HMGCLL1: variants seen among roughly 807,000 people sequenced by gnomAD.
The protein encoded by HMGCLL1 is 3-hydroxy-3-methylglutaryl-CoA lyase like 1.
Under a neutral mutation model 39.1 loss-of-function variants are expected in HMGCLL1, and 36 were observed. The ratio of observed to expected loss-of-function variants is 0.92; its 90% CI spans 0.71 to 1.22. The LOEUF is 1.22. Ranked by LOEUF, HMGCLL1 falls within the 50% of genes most tolerant of loss-of-function variation. The pLI is 0.00. For synonymous variants in HMGCLL1, 149 were observed against 144.0 expected (o/e 1.03, Z -0.25); for missense variants, 451 against 416.5 (o/e 1.08, Z -0.72).
chr6:55,516,523 C>A lies in HMGCLL1; in HGVS notation c.378G>T (p.Gln126His). The A allele has an allele frequency of 1.3e-6, 2 of 1,592,782 alleles. No homozygotes were observed. The highest frequency in any genetic ancestry group is 1.7e-6 in the Non-Finnish European group (2 of 1,165,502). The change falls in exon 4 of 9, where the codon CAG (glutamine) becomes CAT (histidine). Residue 126 changes from glutamine to histidine, a missense_variant. Gln to His is a conservative substitution (Grantham distance 24, BLOSUM62 0). Coordinates refer to ENST00000274901, the MANE Select transcript of HMGCLL1 (RefSeq NM_001042406.2). ...VRYPVLTPNL[Q>H]GFHHAVAAGA... ...GCACACTTACAGCATGGTGAAAACC[C>A]TGAAGATTAGGAGTAAGGACAGGAT...
chr6:55,538,690 T>A (rs1769166894), intron 3 of HMGCLL1, among the ~76,000 whole-genome samples: 2 of 152,082 alleles, frequency 1.3e-5, no homozygotes, highest in South Asian at 4.1e-4. Context: ...ATTGATTTAT[T>A]TTTTTTATTT....
chr6:55,543,298 CAT>C lies in HMGCLL1; in HGVS notation c.109-1160_109-1159del, dbSNP rs1315087473. Among the ~76,000 whole-genome samples, 3 of 7,464 alleles carry C rather than the reference CAT, an allele frequency of 4.0e-4. 1 individual carries two copies. The highest frequency in any genetic ancestry group is 7.4e-4 in the Non-Finnish European group (3 of 4,046). The allele number at this position is 7,464 out of a possible 152,430, so 4.9% of individuals were successfully genotyped here. Reference sequence around the variant, plus strand: ...ATATTATATATAATATATTATATATCATATATGATATATAATATATAATATAT... The same window carrying C: ...ATATTATATATAATATATTATATATCATATGATATATAATATATAATATAT... On this transcript the variant is annotated intron_variant, in intron 1 of 8. Transcript: ENST00000274901.
At chr6:55,652,301 A>C in the HMGCLL1 span, among the ~76,000 whole-genome samples, 1 of 151,926 alleles carries the variant, frequency 6.6e-6, no homozygotes, top group Non-Finnish European at 1.5e-5. Flanking sequence ...GAGGACTTCA[A>C]TGTTGTCATA....
At chr6:55,659,576 C>T in the HMGCLL1 span, among the ~76,000 whole-genome samples, 3 of 151,876 alleles carry the variant, frequency 2.0e-5, no homozygotes, top group African/African-American at 7.2e-5. Flanking sequence ...TTCCAGACTT[C>T]TCATATCTAT....
the HMGCLL1 span, among the ~76,000 whole-genome samples, chr6:55,618,638 T>C: frequency 6.6e-6 from 1 of 152,004 alleles, no homozygotes; most frequent in Non-Finnish European, 1.5e-5. Flanking sequence ...AGACAATATC[T>C]TAAGAGCTTA....
the HMGCLL1 span, among the ~76,000 whole-genome samples, chr6:55,647,421 A>T: frequency 6.6e-6 from 1 of 151,524 alleles, no homozygotes; most frequent in Non-Finnish European, 1.5e-5. Context: ...GTAGGGACTT[A>T]CTCTTACAAT....
At chr6:55,657,551 G>T in the HMGCLL1 span, among the ~76,000 whole-genome samples, 9 of 151,864 alleles carry the variant, frequency 5.9e-5, no homozygotes, top group Non-Finnish European at 2.9e-5. Context: ...CTATGTGTCT[G>T]TTTTTGTACC....
chr6:55,561,449 G>A (rs1035206148), intron 1 of HMGCLL1, among the ~76,000 whole-genome samples: 2 of 152,020 alleles, frequency 1.3e-5, no homozygotes, highest in Non-Finnish European at 2.9e-5. Flanking sequence ...AAACTTTAAT[G>A]TGCATATGAA....
At chr6:55,607,844 G>T in the HMGCLL1 span, among the ~76,000 whole-genome samples, 1 of 152,060 alleles carries the variant, frequency 6.6e-6, no homozygotes, top group East Asian at 1.9e-4. Context: ...TTGAAACCTG[G>T]TTCCACCTGT....
intron 1 of HMGCLL1, among the ~76,000 whole-genome samples, chr6:55,546,655 T>C (rs1448559025): frequency 6.6e-6 from 1 of 152,114 alleles, no homozygotes; most frequent in East Asian, 1.9e-4. Flanking sequence ...TCTTACATAC[T>C]GAATATATGA....
chr6:55,495,454 C>T lies in HMGCLL1; in HGVS notation c.760G>A (p.Gly254Arg), dbSNP rs762660372. The T allele has an allele frequency of 1.9e-6, 3 of 1,613,768 alleles. No homozygotes were observed. Among genetic ancestry groups the T allele is most frequent in the African/African-American group, 1.3e-5 (1 of 74,896 alleles). ...ALAVHCHDTY[G>R]QALANILTAL... is the part of the protein sequence containing the mutation. ...GTAAGGATATTTGCTAAGGCTTGTCCGTATGTGTCATGACAGTGAACAGCA... is the reference window on the plus strand; with the variant it reads ...GTAAGGATATTTGCTAAGGCTTGTCTGTATGTGTCATGACAGTGAACAGCA... Residue 254 changes from glycine to arginine, a missense_variant, in exon 7 of 9, where the codon GGA (glycine) becomes AGA (arginine). Physicochemically the swap from Gly to Arg is moderately radical, Grantham distance 125. Transcript: ENST00000274901.
chr6:55,487,973 T>C (rs945784179), intron 7 of HMGCLL1, among the ~76,000 whole-genome samples: 4 of 152,110 alleles, frequency 2.6e-5, no homozygotes, highest in African/African-American at 4.8e-5. Context: ...CTTACTCTTA[T>C]ATGCATCCTT....
intron 6 of HMGCLL1, among the ~76,000 whole-genome samples, chr6:55,498,261 G>A (rs892219428): frequency 4.6e-5 from 7 of 152,250 alleles, no homozygotes; most frequent in African/African-American, 1.2e-4. Flanking sequence ...ATATACAATT[G>A]TGAATGCAAA....
the HMGCLL1 span, among the ~76,000 whole-genome samples, chr6:55,629,901 G>A: frequency 6.9e-3 from 1,047 of 152,300 alleles, 2 homozygotes; most frequent in Non-Finnish European, 0.012. Context: ...ATGCCTGGAT[G>A]TACAGGCAGA....
chr6:55,585,869 A>G, the HMGCLL1 span, among the ~76,000 whole-genome samples: 2 of 152,122 alleles, frequency 1.3e-5, no homozygotes, highest in African/African-American at 4.8e-5. Flanking sequence ...TTGGCTTTAA[A>G]TACCTCACAT....
intron 7 of HMGCLL1, among the ~76,000 whole-genome samples, chr6:55,464,257 T>A (rs1377582088): frequency 6.6e-6 from 1 of 152,206 alleles, no homozygotes; most frequent in African/African-American, 2.4e-5. Context: ...TCTCACAAGA[T>A]TATTTTAGAT....
At chr6:55,594,296 T>C in the HMGCLL1 span, among the ~76,000 whole-genome samples, 2 of 152,202 alleles carry the variant, frequency 1.3e-5, no homozygotes, top group Non-Finnish European at 2.9e-5. Context: ...ATCTAGGTCA[T>C]TGAGAACACA....
intron 7 of HMGCLL1, among the ~76,000 whole-genome samples, chr6:55,468,516 G>C (rs77709266): frequency 6.6e-6 from 1 of 152,064 alleles, no homozygotes; most frequent in African/African-American, 2.4e-5. Context: ...TGGAGTGACT[G>C]TTCTGATTCT....
chr6:55,619,346 G>C, the HMGCLL1 span, among the ~76,000 whole-genome samples: 3 of 152,036 alleles, frequency 2.0e-5, no homozygotes, highest in Non-Finnish European at 2.9e-5. Context: ...ATCTAAATAC[G>C]ATTTTGTTTT....
Sources: gnomAD v4.1 joint callset for allele counts (sites outside exome capture counted in the v4.1 genomes callset) on GRCh38, gnomAD v4.1.1 for gene constraint, MANE v1.5 for transcripts, NCBI Gene and HGNC (gene_info 2026-07-23, HGNC 2026-07-21) for gene names.